NAALADL2: variants seen among roughly 807,000 people sequenced by gnomAD.
The protein encoded by NAALADL2 is N-acetylated alpha-linked acidic dipeptidase like 2, also known as inactive N-acetylated-alpha-linked acidic dipeptidase-like protein 2.
In NAALADL2, 76 loss-of-function variants were observed where a neutral mutation model predicts 87.2. The ratio of observed to expected loss-of-function variants is 0.87; its 90% CI spans 0.72 to 1.05. The LOEUF (loss-of-function observed/expected upper bound fraction) is 1.05, where lower values mean the gene tolerates loss of function less well. Among genes scored for constraint, NAALADL2 ranks in the 50% least tolerant of loss-of-function variants. The pLI is 0.00. For missense variants in NAALADL2, 1,089 were observed against 945.8 expected (o/e 1.15, Z -1.99); for synonymous variants, 354 against 331.0 (o/e 1.07, Z -0.75).
intron 2 of NAALADL2, among the ~76,000 whole-genome samples, chr3:175,231,678 C>T (rs1322029781): frequency 2.0e-5 from 3 of 152,112 alleles, no homozygotes; most frequent in Non-Finnish European, 4.4e-5. Context: ...TTATGTTCAT[C>T]AATTAACAGT....
rs1480356097 is a variant in NAALADL2 at position 175,188,845 on chromosome 3, TGTTA to T, written c.546-45082_546-45079del. Among the ~76,000 whole-genome samples the T allele has an allele frequency of 2.6e-5, 4 of 152,088 alleles. No homozygotes were observed. The East Asian group carries it at 7.7e-4, about 29-fold the overall frequency. On this transcript the variant is annotated intron_variant, in intron 2 of 13. Coordinates refer to ENST00000454872, the MANE Select transcript of NAALADL2 (RefSeq NM_207015.3). The stretch of plus-strand genomic sequence containing the variant: ...TGGGGCTTGAGTTGCTGCTGTGCCC[TGTTA>T]GTTCTGGGACCAGAACTGTAGCTAT...
At chr3:174,677,985 T>A (rs1212280542) in intron 2 of NAALADL2, among the ~76,000 whole-genome samples, 5 of 152,188 alleles carry the variant, frequency 3.3e-5, no homozygotes, top group Non-Finnish European at 7.4e-5. Flanking sequence ...CATCTCTTTG[T>A]TCAGCCTCAA....
chr3:174,565,492 A>T (rs545780848), intron 2 of NAALADL2, among the ~76,000 whole-genome samples: 1 of 152,110 alleles, frequency 6.6e-6, no homozygotes, highest in East Asian at 1.9e-4. Flanking sequence ...ATGTCGTTTT[A>T]TGGTTTAATA....
chr3:174,705,033 A>G (rs986039213), intron 2 of NAALADL2, among the ~76,000 whole-genome samples: 1 of 152,164 alleles, frequency 6.6e-6, no homozygotes, highest in East Asian at 1.9e-4. Flanking sequence ...AAACAAGCAA[A>G]ATCATTATTT....
chr3:175,281,124 A>T (rs1300200882), intron 4 of NAALADL2, among the ~76,000 whole-genome samples: 1 of 150,496 alleles, frequency 6.6e-6, no homozygotes, highest in East Asian at 1.9e-4. Flanking sequence ...AAAAAAATAT[A>T]TATATATATA....
chr3:175,510,258 G>A (rs1007512260), intron 9 of NAALADL2, among the ~76,000 whole-genome samples: 3 of 152,022 alleles, frequency 2.0e-5, no homozygotes, highest in Admixed American at 6.6e-5. Flanking sequence ...GGGGGAAACT[G>A]CCCCCATGAT....
At chr3:174,678,962 T>C (rs907483593) in intron 2 of NAALADL2, among the ~76,000 whole-genome samples, 1 of 152,164 alleles carries the variant, frequency 6.6e-6, no homozygotes, top group Admixed American at 6.6e-5. Flanking sequence ...TAAGATAATA[T>C]CTTTCTTTTT....
chr3:175,104,912 C>T (rs1175520812), intron 2 of NAALADL2, among the ~76,000 whole-genome samples: 2 of 152,010 alleles, frequency 1.3e-5, no homozygotes, highest in African/African-American at 2.4e-5. Flanking sequence ...CTCCTTAACT[C>T]GGAGTTTCTC....
chr3:174,582,570 T>G (rs997383565), intron 2 of NAALADL2, among the ~76,000 whole-genome samples: 2 of 152,198 alleles, frequency 1.3e-5, no homozygotes, highest in Non-Finnish European at 2.9e-5. Flanking sequence ...AATTCATCAT[T>G]TATTTCTAGA....
At chr3:175,748,848 T>C (rs1351484937) in intron 12 of NAALADL2, among the ~76,000 whole-genome samples, 3 of 152,004 alleles carry the variant, frequency 2.0e-5, no homozygotes, top group Non-Finnish European at 2.9e-5. Flanking sequence ...CTCATATCTG[T>C]AACCCCACCA....
intron 2 of NAALADL2, among the ~76,000 whole-genome samples, chr3:175,171,512 A>G (rs1173676459): frequency 3.3e-5 from 5 of 152,148 alleles, no homozygotes; most frequent in Non-Finnish European, 5.9e-5. Context: ...ACCAATGGGT[A>G]TATGAACATT....
At chr3:175,468,882 G>A (rs1219923038) in intron 8 of NAALADL2, among the ~76,000 whole-genome samples, 1 of 151,962 alleles carries the variant, frequency 6.6e-6, no homozygotes, top group African/African-American at 2.4e-5. Flanking sequence ...TGATATTTTT[G>A]TGGTTAATAC....
At chr3:175,207,472 C>T (rs1370294004) in intron 2 of NAALADL2, among the ~76,000 whole-genome samples, 1 of 151,782 alleles carries the variant, frequency 6.6e-6, no homozygotes, top group Admixed American at 6.6e-5. Flanking sequence ...ACAACAATGA[C>T]TTCCTACATC....
At chr3:174,668,864 T>C (rs1223226960) in intron 2 of NAALADL2, among the ~76,000 whole-genome samples, 1 of 152,182 alleles carries the variant, frequency 6.6e-6, no homozygotes, top group Non-Finnish European at 1.5e-5. Flanking sequence ...CTATTATGAA[T>C]AGTGCCGCAA....
chr3:175,747,770 T>C (rs1252613623), intron 12 of NAALADL2, among the ~76,000 whole-genome samples: 1 of 152,186 alleles, frequency 6.6e-6, no homozygotes, highest in Non-Finnish European at 1.5e-5. Flanking sequence ...ATTTAATTCA[T>C]TCAGGAATGT....
intron 1 of NAALADL2, among the ~76,000 whole-genome samples, chr3:174,532,395 G>C (rs1721327683): frequency 1.3e-5 from 2 of 152,142 alleles, no homozygotes; most frequent in Non-Finnish European, 2.9e-5. Flanking sequence ...TCACTATTGA[G>C]AGGTCAGTCT....
At chr3:174,668,813 G>T (rs1404973935) in intron 2 of NAALADL2, among the ~76,000 whole-genome samples, 1 of 152,160 alleles carries the variant, frequency 6.6e-6, no homozygotes, top group Non-Finnish European at 1.5e-5. Flanking sequence ...TCTTAATCCA[G>T]TCTGTCATTG....
chr3:175,454,931 T>A (rs1722102987), intron 6 of NAALADL2, among the ~76,000 whole-genome samples: 1 of 152,060 alleles, frequency 6.6e-6, no homozygotes, highest in Non-Finnish European at 1.5e-5. Context: ...TTTAAGAGAA[T>A]TTAATCAAGT....
intron 2 of NAALADL2, among the ~76,000 whole-genome samples, chr3:174,727,548 TA>T (rs1422525258): frequency 6.6e-6 from 1 of 151,950 alleles, no homozygotes; most frequent in Non-Finnish European, 1.5e-5. Context: ...ATTCACTTGT[TA>T]AAAAAAATTA....
Sources: gnomAD v4.1 joint callset for allele counts (sites outside exome capture counted in the v4.1 genomes callset) on GRCh38, gnomAD v4.1.1 for gene constraint, MANE v1.5 for transcripts, NCBI Gene and HGNC (gene_info 2026-07-23, HGNC 2026-07-21) for gene names.